The following COL19A1 variants were observed in gnomAD, a reference collection of about 807,000 sequenced individuals.
COL19A1 encodes the protein collagen type XIX alpha 1 chain.
A neutral mutation model predicts 190.2 loss-of-function variants in COL19A1; 159 were observed. That is an observed-to-expected ratio of 0.84 (90% CI 0.73 to 0.95). The LOEUF is 0.95. Ranked by LOEUF, COL19A1 falls within the 40% of genes least tolerant of loss-of-function variation. The pLI, the probability that COL19A1 is intolerant of heterozygous loss-of-function variation, is 0.00. For missense variants in COL19A1, 1,418 were observed against 1,431.9 expected (o/e 0.99, Z 0.16); for synonymous variants, 509 against 458.9 (o/e 1.11, Z -1.39).
chr6:70,131,100 A>G (rs772501572), intron 18 of COL19A1: 3 of 456,122 alleles, frequency 6.6e-6, no homozygotes, highest in Middle Eastern at 6.6e-4. Flanking sequence ...TCCCCATTCA[A>G]TAAGATGTTT....
chr6:70,004,208 C>T (rs932692245), intron 11 of COL19A1, among the ~76,000 whole-genome samples: 8 of 152,158 alleles, frequency 5.3e-5, no homozygotes, highest in African/African-American at 1.9e-4. Flanking sequence ...TCCCCATTTT[C>T]TTCTGGCTTG....
intron 15 of COL19A1, among the ~76,000 whole-genome samples, chr6:70,081,265 C>T (rs1782232443): frequency 6.6e-6 from 1 of 152,092 alleles, no homozygotes; most frequent in Admixed American, 6.6e-5. Context: ...CATGCTCTAC[C>T]TCCATACTAC....
Position 69,977,006 on chromosome 6 carries a change from G to A in COL19A1, c.1026+14136G>A, listed in dbSNP as rs532276073. Among the ~76,000 whole-genome samples the A allele has an allele frequency of 3.9e-5, 6 of 152,276 alleles. No individual in the cohort carries two copies. The East Asian group carries it at 7.7e-4, about 20-fold the overall frequency. On this transcript the variant is annotated intron_variant, in intron 11 of 50. Coordinates refer to ENST00000620364, the MANE Select transcript of COL19A1 (RefSeq NM_001858.6). ...TGATGTCCCTTTGAGTCAGTGTGGCGATTCCTCAGGGATCTAGAACCAGAA... is the reference window on the plus strand; with the variant it reads ...TGATGTCCCTTTGAGTCAGTGTGGCAATTCCTCAGGGATCTAGAACCAGAA...
chr6:70,091,546 G>A (rs931461331), intron 15 of COL19A1, among the ~76,000 whole-genome samples: 3 of 104,746 alleles, frequency 2.9e-5, no homozygotes, highest in Non-Finnish European at 6.0e-5. Context: ...CGAAAAGCCA[G>A]CAGGTGAACA....
chr6:70,095,266 T>A (rs552103413), intron 15 of COL19A1, among the ~76,000 whole-genome samples: 3 of 152,346 alleles, frequency 2.0e-5, no homozygotes, highest in South Asian at 2.1e-4. Flanking sequence ...ACATTTTTTT[T>A]ATTTCTACCT....
At chr6:70,129,031 G>T (rs1416720117) in intron 17 of COL19A1, among the ~76,000 whole-genome samples, 1 of 152,196 alleles carries the variant, frequency 6.6e-6, no homozygotes, top group East Asian at 1.9e-4. Flanking sequence ...ATCTCAAAGG[G>T]ATAGTGAAAG....
chr6:69,886,480 C>T (rs1007414094), intron 2 of COL19A1, among the ~76,000 whole-genome samples: 1 of 152,124 alleles, frequency 6.6e-6, no homozygotes, highest in African/African-American at 2.4e-5. Context: ...TCTTTTGGGT[C>T]TACATCCAAA....
intron 15 of COL19A1, among the ~76,000 whole-genome samples, chr6:70,072,764 C>T (rs753185946): frequency 2.6e-5 from 4 of 152,032 alleles, no homozygotes; most frequent in African/African-American, 7.2e-5. Context: ...CCCCTGCCCC[C>T]GTCAAGATGT....
chr6:70,171,071 A>T (rs76660994), intron 40 of COL19A1, among the ~76,000 whole-genome samples: 1 of 152,186 alleles, frequency 6.6e-6, no homozygotes, highest in Non-Finnish European at 1.5e-5. Flanking sequence ...CCCATGGCCC[A>T]TGGGCTGCAT....
chr6:69,929,656 C>A lies in COL19A1; in HGVS notation c.622C>A (p.Arg208=), dbSNP rs186826494. The change falls in exon 6 of 51, where the codon CGG becomes AGG. Residue 208 remains arginine, a synonymous_variant. Transcript: ENST00000620364. The stretch of plus-strand genomic sequence containing the variant: ...AAAGGACACTGTGGATTTCCATGGA[C>A]GGACAGTTATTGCTACGCGAGCTTC... ...DEKDTVDFHG[R]TVIATRASDG... is the part of the protein sequence containing the mutation. 6.2e-7 allele frequency: 1 copy of A among 1,613,686 alleles called. No homozygotes were observed. Among genetic ancestry groups the A allele is most frequent in the Non-Finnish European group, 8.5e-7 (1 of 1,179,854 alleles).
chr6:69,883,070 G>A (rs1305341007), intron 2 of COL19A1, among the ~76,000 whole-genome samples: 1 of 152,162 alleles, frequency 6.6e-6, no homozygotes, highest in African/African-American at 2.4e-5. Context: ...TTAAGCAGAG[G>A]CATGAAGGCA....
intron 11 of COL19A1, among the ~76,000 whole-genome samples, chr6:69,989,785 T>C (rs1776519779): frequency 6.6e-6 from 1 of 152,074 alleles, no homozygotes; most frequent in Non-Finnish European, 1.5e-5. Context: ...TCTCCCACTT[T>C]ACTATGTCAA....
intron 3 of COL19A1, among the ~76,000 whole-genome samples, chr6:69,899,891 A>G (rs1350501970): frequency 6.6e-6 from 1 of 152,230 alleles, no homozygotes; most frequent in Non-Finnish European, 1.5e-5. Context: ...GAATGGCTGT[A>G]CTATTTTTAA....
intron 4 of COL19A1, among the ~76,000 whole-genome samples, chr6:69,914,475 G>T (rs1047774511): frequency 2.6e-5 from 4 of 152,124 alleles, no homozygotes; most frequent in Admixed American, 2.0e-4. Flanking sequence ...CAAGTCAGAG[G>T]CCTCACTGAT....
intron 1 of COL19A1, among the ~76,000 whole-genome samples, chr6:69,868,767 A>C (rs1012010719): frequency 7.2e-5 from 11 of 152,354 alleles, no homozygotes; most frequent in Middle Eastern, 6.8e-3. Flanking sequence ...GGTATTTTCC[A>C]AAAATGGAAA....
At chr6:70,106,329 C>CA in intron 16 of COL19A1, among the ~76,000 whole-genome samples, 1 of 149,446 alleles carries the variant, frequency 6.7e-6, no homozygotes, top group South Asian at 2.1e-4. Context: ...TAAGTGTGTG[C>CA]GTGTGTGTGT....
intron 15 of COL19A1, among the ~76,000 whole-genome samples, chr6:70,089,284 G>A (rs1320517814): frequency 6.6e-6 from 1 of 152,122 alleles, no homozygotes; most frequent in Admixed American, 6.6e-5. Context: ...CATGATCCAA[G>A]ATAAGGGCTT....
At chr6:69,990,456 G>A (rs1370327771) in intron 11 of COL19A1, among the ~76,000 whole-genome samples, 1 of 151,918 alleles carries the variant, frequency 6.6e-6, no homozygotes. Flanking sequence ...CTGTAGTCAG[G>A]ATCCAAATAA....
At chr6:69,944,013 CT>C (rs150985183) in intron 9 of COL19A1, among the ~76,000 whole-genome samples, 4,771 of 151,308 alleles carry the variant, frequency 0.032, 246 homozygotes, top group African/African-American at 0.11. Flanking sequence ...TCTCCCCTAC[CT>C]GACTCCTCAA....
Sources: gnomAD v4.1 joint callset for allele counts (sites outside exome capture counted in the v4.1 genomes callset) on GRCh38, gnomAD v4.1.1 for gene constraint, MANE v1.5 for transcripts, NCBI Gene and HGNC (gene_info 2026-07-23, HGNC 2026-07-21) for gene names.